Variants in PPTC7 observed in about 807,000 individuals in gnomAD.
PPTC7 encodes the protein protein phosphatase targeting COQ7.
Under a neutral mutation model 30.8 loss-of-function variants are expected in PPTC7, and 6 were observed. The ratio of observed to expected loss-of-function variants is 0.19; its 90% CI spans 0.11 to 0.38. The LOEUF is 0.38. Ranked by LOEUF, PPTC7 falls within the 10% of genes least tolerant of loss-of-function variation. The pLI is 1.00. For missense variants in PPTC7, 218 were observed against 404.8 expected, an observed-to-expected ratio of 0.54 and a Z score of 3.96; for synonymous variants, 163 against 168.1, an observed-to-expected ratio of 0.97 and a Z score of 0.23.
intron 2 of PPTC7, among the ~76,000 whole-genome samples, chr12:110,550,805 C>T (rs1053140470): frequency 3.9e-5 from 6 of 152,084 alleles, no homozygotes; most frequent in East Asian, 1.9e-4. Flanking sequence ...GTTATTTCAC[C>T]GACTAATCAC....
At chr12:110,544,141 T>A (rs2064286741) in intron 3 of PPTC7, among the ~76,000 whole-genome samples, 1 of 152,234 alleles carries the variant, frequency 6.6e-6, no homozygotes, top group Non-Finnish European at 1.5e-5. Flanking sequence ...TTTTACTTTT[T>A]ACTTTTGGAT....
chr12:110,542,563 CG>C (rs1402058046), intron 3 of PPTC7, among the ~76,000 whole-genome samples: 1 of 148,454 alleles, frequency 6.7e-6, no homozygotes, highest in African/African-American at 2.5e-5. Flanking sequence ...TCCAGCTACT[CG>C]GGAGGCTGAA....
At chr12:110,544,224 T>A (rs1463266877) in intron 3 of PPTC7, among the ~76,000 whole-genome samples, 3 of 152,246 alleles carry the variant, frequency 2.0e-5, no homozygotes, top group Non-Finnish European at 2.9e-5. Context: ...GCTAAATTTT[T>A]AGATGGGCAA....
chr12:110,551,840 T>G lies in PPTC7; in HGVS notation c.352A>C (p.Ile118Leu). ...GRFVPSNPIG[I>L]LTTSYCELLQ... Reference sequence around the variant, plus strand: ...AACTCACAGTAGCTTGTGGTGAGAATTCCAATGGGATTACTAGGTACGAAC... The same window carrying G: ...AACTCACAGTAGCTTGTGGTGAGAAGTCCAATGGGATTACTAGGTACGAAC... Residue 118 changes from isoleucine (I) to leucine (L), a missense_variant, in exon 2 of 6, where the codon ATT (isoleucine) becomes CTT (leucine). Coordinates refer to ENST00000354300, the MANE Select transcript of PPTC7 (RefSeq NM_139283.2). 1 of 1,614,190 alleles carries G rather than the reference T, an allele frequency of 6.2e-7. No individual in the cohort carries two copies. The highest frequency in any genetic ancestry group is 8.5e-7 in the Non-Finnish European group (1 of 1,180,008).
chr12:110,565,329 T>C (rs2064474603), intron 1 of PPTC7, among the ~76,000 whole-genome samples: 1 of 152,120 alleles, frequency 6.6e-6, no homozygotes, highest in Non-Finnish European at 1.5e-5. Flanking sequence ...TGAACTTGGC[T>C]CACTGCAACC....
At chr12:110,565,622 G>C (rs1371532903) in intron 1 of PPTC7, among the ~76,000 whole-genome samples, 2 of 152,148 alleles carry the variant, frequency 1.3e-5, no homozygotes, top group African/African-American at 4.8e-5. Context: ...AACTATTTAT[G>C]TAAATCAGGT....
intron 3 of PPTC7, among the ~76,000 whole-genome samples, chr12:110,541,837 C>T (rs74237000): frequency 1.4e-4 from 21 of 151,698 alleles, no homozygotes; most frequent in Admixed American, 9.2e-4. Context: ...TCATGTAACA[C>T]GTCTTCAAGA....
chr12:110,565,438 TAG>T (rs1280865432), intron 1 of PPTC7, among the ~76,000 whole-genome samples: 1 of 152,056 alleles, frequency 6.6e-6, no homozygotes, highest in East Asian at 1.9e-4. Flanking sequence ...GTATTTTTAG[TAG>T]AGACGGGGTT....
At chr12:110,564,835 G>GTT (rs35564692) in intron 1 of PPTC7, among the ~76,000 whole-genome samples, 32,317 of 112,384 alleles carry the variant, frequency 0.29, 5,385 homozygotes, top group South Asian at 0.54. Context: ...ATACATACAC[G>GTT]TTATATATAT....
rs367748695 is a variant in PPTC7, at chr12:110,564,816, T to A, written c.224-12848A>T. Among the ~76,000 whole-genome samples the A allele has an allele frequency of 1.5e-4, 17 of 116,196 alleles. No individual in the cohort carries two copies. In the East Asian group the frequency reaches 3.0e-3, roughly 21 times the overall value. 76.2% of individuals were successfully genotyped at this position (116,196 alleles called of 152,430 possible). On this transcript the variant is annotated intron_variant, in intron 1 of 5. Coordinates refer to ENST00000354300, the MANE Select transcript of PPTC7 (RefSeq NM_139283.2). ...ATATATATATACACGTATATGTATA[T>A]GTGTATATATACATACACGTTATAT...
intron 1 of PPTC7, among the ~76,000 whole-genome samples, chr12:110,580,926 A>G (rs2064631782): frequency 6.6e-6 from 1 of 151,462 alleles, no homozygotes. Context: ...TAATTTTTGT[A>G]TTTTTAGTAA....
At chr12:110,565,626 A>G (rs181607908) in intron 1 of PPTC7, among the ~76,000 whole-genome samples, 202 of 152,352 alleles carry the variant, frequency 1.3e-3, no homozygotes, top group African/African-American at 4.6e-3. Context: ...ATTTATGTAA[A>G]TCAGGTAAAA....
At chr12:110,539,260 AAAAG>A (rs758993308) in intron 4 of PPTC7, among the ~76,000 whole-genome samples, 3 of 152,254 alleles carry the variant, frequency 2.0e-5, no homozygotes, top group South Asian at 4.1e-4. Flanking sequence ...AATAATAAAA[AAAAG>A]AAAGAAACGT....
In PPTC7 at chr12:110,545,869, G is replaced by C. The variant is rs1490947607; in HGVS notation, c.602+11C>G. 1 of 1,612,504 alleles carries C rather than the reference G, an allele frequency of 6.2e-7. No individual in the cohort carries two copies. The highest frequency in any genetic ancestry group is 1.3e-5 in the African/African-American group (1 of 74,888). ...TCCTGCTCACACTTAATGGCTGAGA[G>C]GGGAGATTACCTGTCGCTCAAGACG... On this transcript the variant is annotated intron_variant, in intron 3 of 5. Transcript: ENST00000354300.
chr12:110,537,015 A>T lies in PPTC7; in HGVS notation c.*22T>A. On this transcript the variant is annotated 3_prime_UTR_variant, in exon 6 of 6. Transcript: ENST00000354300. ...GGGGAAATTTGGGATGATGAAAGGA[A>T]AGGCAGGACTTGACACCTCAGCTAG... 6.3e-7 allele frequency: 1 copy of T among 1,598,522 alleles called. No homozygotes were observed. Among genetic ancestry groups the T allele is most frequent in the Non-Finnish European group, 8.6e-7 (1 of 1,166,428 alleles).
At chr12:110,542,639 CCAG>C (rs1281424262) in intron 3 of PPTC7, among the ~76,000 whole-genome samples, 4 of 143,384 alleles carry the variant, frequency 2.8e-5, no homozygotes, top group Non-Finnish European at 4.5e-5. Flanking sequence ...CCACTGCACT[CCAG>C]CAGCCTGGGC....
intron 1 of PPTC7, among the ~76,000 whole-genome samples, chr12:110,576,519 T>C (rs1381565989): frequency 6.6e-6 from 1 of 152,158 alleles, no homozygotes; most frequent in Non-Finnish European, 1.5e-5. Context: ...TATATAAATA[T>C]AATGGAACAT....
chr12:110,552,233 C>T (rs1467587364), intron 1 of PPTC7, among the ~76,000 whole-genome samples: 2 of 152,196 alleles, frequency 1.3e-5, no homozygotes, highest in Non-Finnish European at 2.9e-5. Context: ...GCCAAGAGTT[C>T]AATTTCAGCA....
intron 3 of PPTC7, among the ~76,000 whole-genome samples, chr12:110,544,765 G>A (rs189599305): frequency 3.0e-4 from 45 of 152,150 alleles, no homozygotes; most frequent in African/African-American, 9.2e-4. Flanking sequence ...ACCAGGAGGC[G>A]GAGGTTGCAG....
Sources: allele counts gnomAD v4.1 joint callset (sites outside exome capture counted in the v4.1 genomes callset), GRCh38; gene constraint gnomAD v4.1.1; transcripts MANE v1.5; gene names NCBI Gene and HGNC (gene_info 2026-07-23, HGNC 2026-07-21).